Variants in VPS8 observed in about 807,000 individuals in gnomAD.
The protein encoded by VPS8 is vacuolar protein sorting-associated protein 8 homolog.
VPS8 carries 129 observed loss-of-function variants against 216.4 expected under a neutral mutation model. That is an observed-to-expected ratio of 0.60 (90% CI 0.52 to 0.69). The LOEUF is 0.69. Ranked by LOEUF, VPS8 falls within the 30% of genes least tolerant of loss-of-function variation. VPS8 has a pLI of 0.00. For missense variants in VPS8, 1,531 were observed against 1,683.5 expected (o/e 0.91, Z 1.59); for synonymous variants, 571 against 565.4 (o/e 1.01, Z -0.14).
In VPS8 at chr3:184,996,422, C is replaced by A; in HGVS notation, c.3757C>A (p.Pro1253Thr). Residue 1253 changes from proline (P) to threonine (T), a missense_variant, in exon 44 of 48, where the codon CCC becomes ACC. Around this residue, in one of 3 missense-constraint regions of VPS8, gnomAD observed 1,318 missense variants for 1,468.4 expected, o/e 0.90. Coordinates refer to ENST00000625842, the MANE Select transcript of VPS8 (RefSeq NM_001009921.3). ...AGCTTCGGTCACCAGAGGACTGAAT[C>A]CCAAACAAGATTACTGCTCTATATG... ...LRASVTRGLN[P>T]KQDYCSICLQ... 1 of 1,613,776 alleles carries A rather than the reference C, an allele frequency of 6.2e-7. No homozygotes were observed. The highest frequency in any genetic ancestry group is 8.5e-7 in the Non-Finnish European group (1 of 1,179,794).
At chr3:184,900,782 A>G in intron 24 of VPS8, 139 bp from the exon 25 acceptor site, 1 of 711,114 alleles carries the variant, frequency 1.4e-6, no homozygotes, top group Non-Finnish European at 2.3e-6. Flanking sequence ...TCATGTACAG[A>G]TTAAAGGTTT....
intron 45 of VPS8, among the ~76,000 whole-genome samples, chr3:185,003,247 C>T (rs1331098108): frequency 7.2e-6 from 1 of 138,574 alleles, no homozygotes; most frequent in African/African-American, 2.8e-5. Flanking sequence ...GGAAGGTCAG[C>T]AGATAAACAA....
chr3:184,893,231 C>G (rs917042674), intron 22 of VPS8: 2 of 1,276,392 alleles, frequency 1.6e-6, no homozygotes, highest in Non-Finnish European at 1.0e-6. Context: ...TGTCCCCTTC[C>G]AGGACTTCAG....
At chr3:185,044,511 T>A (rs1041547119) in intron 46 of VPS8, among the ~76,000 whole-genome samples, 3 of 152,194 alleles carry the variant, frequency 2.0e-5, no homozygotes, top group Admixed American at 6.5e-5. Context: ...GGGAGGGTTG[T>A]CGCATCTGAG....
intron 3 of VPS8, among the ~76,000 whole-genome samples, chr3:184,831,184 C>T (rs1384066578): frequency 1.3e-5 from 2 of 152,154 alleles, no homozygotes; most frequent in Non-Finnish European, 2.9e-5. Flanking sequence ...AGTGAATGAG[C>T]CAGGCGTGGT....
chr3:185,028,230 G>A (rs755396479), intron 46 of VPS8, among the ~76,000 whole-genome samples: 12 of 152,124 alleles, frequency 7.9e-5, no homozygotes, highest in South Asian at 4.1e-4. Flanking sequence ...TGTTTATGTC[G>A]TCTCTAGTTA....
At chr3:185,039,812 C>T (rs969711240) in intron 46 of VPS8, among the ~76,000 whole-genome samples, 2 of 152,120 alleles carry the variant, frequency 1.3e-5, no homozygotes, top group African/African-American at 4.8e-5. Context: ...CTGGCTGTGA[C>T]ATCAGCGAGC....
At chr3:184,842,861 TAC>T (rs1417817697) in intron 7 of VPS8, among the ~76,000 whole-genome samples, 1 of 152,150 alleles carries the variant, frequency 6.6e-6, no homozygotes, top group Non-Finnish European at 1.5e-5. Context: ...ACTTACCTTA[TAC>T]AGAGTCTTAA....
Position 185,051,815 on chromosome 3 carries a change from A to C in VPS8, c.4138-61A>C, listed in dbSNP as rs144861400. On this transcript the variant is annotated intron_variant, in intron 47 of 47. Transcript: ENST00000625842. Reference sequence around the variant, plus strand: ...CTCATGTATCTGAAGCAGTGGATTCAGGAGCCTCTCTTCCCTCTGCTCCCC... The same window carrying C: ...CTCATGTATCTGAAGCAGTGGATTCCGGAGCCTCTCTTCCCTCTGCTCCCC... 7.4e-4 allele frequency: 1,097 copies of C among 1,488,384 alleles called. 3 individuals are homozygous for C. In the African/African-American group the frequency reaches 0.011, roughly 15 times the overall value. 92.2% of individuals were successfully genotyped at this position (1,488,384 alleles called of 1,614,324 possible). A position where few individuals can be genotyped will look rare whatever the true frequency, so the allele number is the denominator to read the frequency against.
chr3:184,914,915 G>A (rs749660702), intron 26 of VPS8, 66 bp from the exon 27 acceptor site: 4 of 1,448,876 alleles, frequency 2.8e-6, no homozygotes, highest in Non-Finnish European at 3.9e-6. Context: ...GAGAAACAAT[G>A]TGTTACTCGC....
At chr3:184,871,301 T>C (rs533430613) in intron 21 of VPS8, among the ~76,000 whole-genome samples, 124 of 109,430 alleles carry the variant, frequency 1.1e-3, no homozygotes, top group African/African-American at 5.2e-3. Flanking sequence ...CAAAGAACAA[T>C]GTAGACGTGT....
intron 8 of VPS8, among the ~76,000 whole-genome samples, chr3:184,846,448 C>T (rs1723145195): frequency 6.6e-6 from 1 of 152,248 alleles, no homozygotes; most frequent in African/African-American, 2.4e-5. Flanking sequence ...ATTTCCTCTT[C>T]ATGGCACCCT....
At chr3:184,934,129 C>T (rs1478828606) in intron 34 of VPS8, among the ~76,000 whole-genome samples, 3 of 151,910 alleles carry the variant, frequency 2.0e-5, no homozygotes, top group Non-Finnish European at 4.4e-5. Flanking sequence ...TTTTATAGTG[C>T]TCTCTGTGGG....
intron 21 of VPS8, among the ~76,000 whole-genome samples, chr3:184,882,023 C>A (rs1578052839): frequency 1.3e-5 from 2 of 151,734 alleles, no homozygotes; most frequent in African/African-American, 2.4e-5. Context: ...CATCTGCCAA[C>A]AGAGACAGTT....
chr3:184,841,748 G>C (rs940651591), intron 7 of VPS8, among the ~76,000 whole-genome samples: 3 of 152,080 alleles, frequency 2.0e-5, no homozygotes, highest in Admixed American at 2.0e-4. Context: ...AGAAACTTAC[G>C]AGGTCATTTA....
At chr3:184,824,523 G>GT (rs796547667) in intron 1 of VPS8, 22 bp from the exon 2 acceptor site, 26 of 1,213,416 alleles carry the variant, frequency 2.1e-5, no homozygotes, top group African/African-American at 1.7e-4. Context: ...TTTTGTTTTT[G>GT]TTTTTTTCTT....
chr3:185,040,187 A>C (rs1174659486), intron 46 of VPS8, among the ~76,000 whole-genome samples: 3 of 152,102 alleles, frequency 2.0e-5, no homozygotes, highest in Non-Finnish European at 4.4e-5. Context: ...CCAACATTGG[A>C]GCTCCAATCT....
At chr3:184,916,168 G>A (rs905286515) in intron 28 of VPS8, among the ~76,000 whole-genome samples, 1 of 152,202 alleles carries the variant, frequency 6.6e-6, no homozygotes, top group Non-Finnish European at 1.5e-5. Context: ...ATGGAACGCG[G>A]AAGCTTTTTG....
intron 36 of VPS8, among the ~76,000 whole-genome samples, chr3:184,945,870 A>T (rs9870352): frequency 1.4e-4 from 22 of 151,974 alleles, no homozygotes; most frequent in South Asian, 2.1e-4. Flanking sequence ...GCAAGGAGCT[A>T]GGGAATGGGC....
Sources: gnomAD v4.1 joint callset for allele counts (sites outside exome capture counted in the v4.1 genomes callset) on GRCh38, gnomAD v4.1.1 for gene constraint, gnomAD v4.1.1 regional missense constraint, MANE v1.5 for transcripts, NCBI Gene and HGNC (gene_info 2026-07-23, HGNC 2026-07-21) for gene names.